The following TBL1X variants were observed in gnomAD, a reference collection of about 807,000 sequenced individuals.
TBL1X encodes transducin beta like 1 X-linked.
In TBL1X, 10 loss-of-function variants were observed where a neutral mutation model predicts 50.7. That is an observed-to-expected ratio of 0.20 (90% CI 0.12 to 0.33). The LOEUF (loss-of-function observed/expected upper bound fraction) is 0.33. TBL1X is among the 10% of genes least tolerant of loss of function. The pLI is 1.00. For missense variants in TBL1X, 340 were observed against 504.4 expected (o/e 0.67, Z 3.12); for synonymous variants, 190 against 214.7 (o/e 0.88, Z 1.01).
At position 9,638,878 on chromosome X, in the gene TBL1X, A is replaced by T. The variant is rs1186381625; in HGVS notation, c.-130-1395A>T. On this transcript the variant is annotated intron_variant, in intron 2 of 17. Transcript: ENST00000645353. ...AACAGTAATTTGGTCTCTCCAGCTC[A>T]CTATAAGGAGTATTGTCCTGTTTCA... Among the ~76,000 whole-genome samples, 3 of 111,541 alleles carry T rather than the reference A, an allele frequency of 2.7e-5. No homozygotes were observed. The East Asian group carries it at 8.4e-4, about 31-fold the overall frequency.
At chrX:9,523,985 T>TTTTTTTTA (rs1555963929) in intron 2 of TBL1X, among the ~76,000 whole-genome samples, 2 of 94,836 alleles carry the variant, frequency 2.1e-5, no homozygotes, top group African/African-American at 8.1e-5. Flanking sequence ...TTTTTTTTTT[T>TTTTTTTTA]TAGACAGAGT....
intron 2 of TBL1X, among the ~76,000 whole-genome samples, chrX:9,524,742 AAC>A (rs1255309691): frequency 9.0e-6 from 1 of 111,369 alleles, no homozygotes; most frequent in East Asian, 2.8e-4. Flanking sequence ...GTGCTTTCTA[AAC>A]CTTTTTTATT....
chrX:9,504,702 A>T (rs898358534), intron 2 of TBL1X, among the ~76,000 whole-genome samples: 3 of 112,022 alleles, frequency 2.7e-5, no homozygotes, highest in Non-Finnish European at 5.6e-5. Context: ...TGAATCGACC[A>T]AGTAGGAGAA....
chrX:9,531,392 T>G (rs2082160469), intron 2 of TBL1X, among the ~76,000 whole-genome samples: 1 of 107,297 alleles, frequency 9.3e-6, no homozygotes, highest in South Asian at 4.0e-4. Flanking sequence ...TGTGTGTGTG[T>G]GTGTGTGTGT....
At chrX:9,655,037 A>T (rs1315324077) in intron 5 of TBL1X, among the ~76,000 whole-genome samples, 1 of 109,754 alleles carries the variant, frequency 9.1e-6, no homozygotes, top group East Asian at 2.9e-4. Context: ...TGCATTGGAA[A>T]CCCCGCCCAT....
At chrX:9,700,468 C>G (rs953333597) in intron 12 of TBL1X, among the ~76,000 whole-genome samples, 1 of 112,112 alleles carries the variant, frequency 8.9e-6, no homozygotes, top group Non-Finnish European at 1.9e-5. Context: ...CCACATTGTT[C>G]TGAATTGCGT....
chrX:9,548,225 T>C (rs185047587), intron 2 of TBL1X, among the ~76,000 whole-genome samples: 1 of 111,099 alleles, frequency 9.0e-6, no homozygotes, highest in East Asian at 2.8e-4. Context: ...GCATATTTTA[T>C]CCTCTTTGAG....
chrX:9,570,130 C>G (rs972942459), intron 2 of TBL1X, among the ~76,000 whole-genome samples: 6 of 112,394 alleles, frequency 5.3e-5, no homozygotes, highest in African/African-American at 1.9e-4. Flanking sequence ...TTTGTGGTCT[C>G]TGGCTGATGA....
At chrX:9,508,136 T>C (rs2082035352) in intron 2 of TBL1X, among the ~76,000 whole-genome samples, 1 of 112,054 alleles carries the variant, frequency 8.9e-6, no homozygotes, top group Non-Finnish European at 1.9e-5. Flanking sequence ...TAAAAGAAAC[T>C]ATGATCAGAG....
chrX:9,497,223 A>G (rs1395323781), intron 1 of TBL1X, among the ~76,000 whole-genome samples: 1 of 110,113 alleles, frequency 9.1e-6, no homozygotes, highest in African/African-American at 3.3e-5. Context: ...AGCCTGGGCA[A>G]CATGGTGAAA....
chrX:9,492,268 A>G (rs2081948657), intron 1 of TBL1X, among the ~76,000 whole-genome samples: 2 of 111,109 alleles, frequency 1.8e-5, no homozygotes, highest in South Asian at 3.8e-4. Context: ...TTACTAATTT[A>G]TTAACTTGCC....
At chrX:9,698,496 T>C (rs1354448695) in intron 12 of TBL1X, among the ~76,000 whole-genome samples, 1 of 112,105 alleles carries the variant, frequency 8.9e-6, no homozygotes, top group Admixed American at 9.5e-5. Flanking sequence ...GCTGAATTCT[T>C]CCAGGAATAA....
In TBL1X at chrX:9,697,819, G is replaced by T. The variant is rs777824491; in HGVS notation, c.1114+390G>T. Among the ~76,000 whole-genome samples the T allele has an allele frequency of 5.4e-5, 6 of 111,935 alleles. No homozygotes were observed. In the South Asian group the frequency reaches 2.2e-3, roughly 42 times the overall value. On this transcript the variant is annotated intron_variant, in intron 12 of 17. Transcript: ENST00000645353. ...CAAAATTAGGCTGGGCACTGTGGCTGATGCCTGTAATTCCAGCACTTCGGA... is the reference window on the plus strand; with the variant it reads ...CAAAATTAGGCTGGGCACTGTGGCTTATGCCTGTAATTCCAGCACTTCGGA...
In TBL1X at chrX:9,597,869, C is replaced by T. The variant is rs772538787; in HGVS notation, c.-130-42404C>T. On this transcript the variant is annotated intron_variant, in intron 2 of 17. Coordinates refer to ENST00000645353, the MANE Select transcript of TBL1X (RefSeq NM_005647.4). ...TCAGGTTTCAGACGTTAGTCAGTGT[C>T]CCGGCTCCAGTGTTGTTAATGATGG... Among the ~76,000 whole-genome samples the T allele has an allele frequency of 3.6e-5, 4 of 111,782 alleles. No homozygotes were observed. In the South Asian group the frequency reaches 1.5e-3, roughly 42 times the overall value.
upstream of TBL1X, chrX:9,463,390 G>A (rs1401248575): frequency 8.9e-6 from 1 of 111,967 alleles, no homozygotes; most frequent in African/African-American, 3.2e-5. Context: ...ATGTCCTTCT[G>A]GGGGGCCTTG....
chrX:9,581,086 G>T (rs950227125), intron 2 of TBL1X, among the ~76,000 whole-genome samples: 2 of 111,592 alleles, frequency 1.8e-5, no homozygotes, highest in Non-Finnish European at 3.8e-5. Flanking sequence ...TTTACATTAT[G>T]ATTGTCATTG....
At chrX:9,587,244 C>G (rs764051696) in intron 2 of TBL1X, among the ~76,000 whole-genome samples, 1 of 111,910 alleles carries the variant, frequency 8.9e-6, no homozygotes, top group Non-Finnish European at 1.9e-5. Flanking sequence ...GTCTGCTGTC[C>G]GCGGCTTGCG....
In TBL1X at chrX:9,653,615, C is replaced by T; in HGVS notation, c.29C>T (p.Ser10Leu). Residue 10 changes from serine (S) to leucine (L), a missense_variant, in exon 4 of 18, where the codon TCG becomes TTG. Transcript: ENST00000645353. ...ACCGAGCTCGCTGGCGCCTCTTCAT[C>T]GTGCTGCCACCGCCCTGCAGGAAGA... MTELAGASS[S>L]CCHRPAGRGA... 4.3e-6 allele frequency: 5 copies of T among 1,172,235 alleles called. No individual in the cohort carries two copies. The highest frequency in any genetic ancestry group is 3.5e-5 in the African/African-American group (2 of 56,657).
intron 1 of TBL1X, among the ~76,000 whole-genome samples, chrX:9,475,265 G>GT (rs1168333027): frequency 1.8e-5 from 2 of 110,609 alleles, no homozygotes; most frequent in African/African-American, 6.6e-5. Flanking sequence ...TTGTTTGTTT[G>GT]TTTTTTTGAG....
Sources: allele counts gnomAD v4.1 joint callset (sites outside exome capture counted in the v4.1 genomes callset), GRCh38; gene constraint gnomAD v4.1.1; transcripts MANE v1.5; gene names NCBI Gene and HGNC (gene_info 2026-07-23, HGNC 2026-07-21).